Variants in TAFA2 observed in about 807,000 individuals in gnomAD.
The protein encoded by TAFA2 is chemokine-like protein TAFA-2.
In TAFA2, 7 loss-of-function variants were observed where a neutral mutation model predicts 18.8. The observed-to-expected ratio is 0.37, with a 90% CI of 0.21 to 0.70. The LOEUF is 0.70. Ranked by LOEUF, TAFA2 falls within the 30% of genes least tolerant of loss-of-function variation. TAFA2 has a pLI of 0.53. For missense variants in TAFA2, 122 were observed against 158.1 expected, an observed-to-expected ratio of 0.77 and a Z score of 1.23; for synonymous variants, 60 against 54.2, an observed-to-expected ratio of 1.11 and a Z score of -0.47.
At chr12:62,010,831 C>T (rs1880723924) in intron 1 of TAFA2, among the ~76,000 whole-genome samples, 1 of 145,086 alleles carries the variant, frequency 6.9e-6, no homozygotes, top group Non-Finnish European at 1.5e-5. Flanking sequence ...CGCCTCTGCC[C>T]AGCAGCCCTT....
chr12:61,885,002 C>T (rs1468662946), intron 1 of TAFA2, among the ~76,000 whole-genome samples: 2 of 151,618 alleles, frequency 1.3e-5, no homozygotes, highest in African/African-American at 4.8e-5. Flanking sequence ...TTCTTTGTTT[C>T]TACTGTAGGA....
At chr12:62,178,080 A>G (rs1035781708) in intron 1 of TAFA2, among the ~76,000 whole-genome samples, 2 of 152,160 alleles carry the variant, frequency 1.3e-5, no homozygotes, top group Non-Finnish European at 2.9e-5. Context: ...CAAGAGGATC[A>G]CTTGAGGCCA....
At chr12:62,045,146 C>T (rs1046431413) in intron 1 of TAFA2, among the ~76,000 whole-genome samples, 9 of 152,034 alleles carry the variant, frequency 5.9e-5, no homozygotes, top group African/African-American at 9.7e-5. Context: ...CAGCCTAGGT[C>T]GTACAGAAAA....
intron 1 of TAFA2, among the ~76,000 whole-genome samples, chr12:61,901,259 CTTTTTTTTT>C (rs1203233805): frequency 2.8e-4 from 3 of 10,898 alleles, no homozygotes; most frequent in South Asian, 4.3e-3. Context: ...TTCAATTTCA[CTTTTTTTTT>C]TTTTTTTTTT....
intron 1 of TAFA2, among the ~76,000 whole-genome samples, chr12:61,871,969 G>A (rs1317176098): frequency 1.3e-5 from 2 of 152,184 alleles, no homozygotes; most frequent in South Asian, 2.1e-4. Context: ...GCGGGCGCCT[G>A]TAGTCCTAGC....
intron 4 of TAFA2, among the ~76,000 whole-genome samples, chr12:61,727,865 C>T (rs942401887): frequency 1.1e-4 from 16 of 151,960 alleles, no homozygotes; most frequent in Non-Finnish European, 4.4e-5. Flanking sequence ...GAACTTTCCT[C>T]TTAGCACTAC....
At chr12:61,971,806 G>A (rs949121458) in intron 1 of TAFA2, among the ~76,000 whole-genome samples, 1 of 151,678 alleles carries the variant, frequency 6.6e-6, no homozygotes, top group Non-Finnish European at 1.5e-5. Flanking sequence ...AAACCAACAT[G>A]GCACATGTAT....
intron 4 of TAFA2, among the ~76,000 whole-genome samples, chr12:61,721,678 A>G (rs1050789257): frequency 1.4e-4 from 22 of 152,246 alleles, no homozygotes; most frequent in Middle Eastern, 3.2e-3. Flanking sequence ...TTTATTGGCC[A>G]GGTGCAGTGG....
chr12:62,025,733 T>C (rs956586576), intron 1 of TAFA2, among the ~76,000 whole-genome samples: 1 of 152,132 alleles, frequency 6.6e-6, no homozygotes, highest in Admixed American at 6.6e-5. Flanking sequence ...TTTAAAGGCA[T>C]CTAATAATGA....
Position 61,802,463 on chromosome 12 carries a change from G to A in TAFA2, c.107-47439C>T, listed in dbSNP as rs538680783. Among the ~76,000 whole-genome samples the A allele has an allele frequency of 3.7e-4, 56 of 152,134 alleles. 1 individual carries two copies. In the South Asian group the frequency reaches 9.5e-3, roughly 26 times the overall value. On this transcript the variant is annotated intron_variant, in intron 2 of 4. Coordinates refer to ENST00000416284, the MANE Select transcript of TAFA2 (RefSeq NM_178539.5). ...GAAATTCTGTCATTCACAGGCACAT[G>A]GATGAGCCTGGAAGACATGTTAAGT...
chr12:62,238,834 T>G (rs1258949322), intron 1 of TAFA2, among the ~76,000 whole-genome samples: 1 of 152,236 alleles, frequency 6.6e-6, no homozygotes, highest in Non-Finnish European at 1.5e-5. Flanking sequence ...GATACGTAGG[T>G]ATGTTTTCTG....
chr12:61,718,887 A>C (rs1035912111), intron 4 of TAFA2, among the ~76,000 whole-genome samples: 15 of 152,224 alleles, frequency 9.9e-5, no homozygotes, highest in African/African-American at 3.4e-4. Context: ...ACTTTAAAAA[A>C]TGAGTTTAAG....
chr12:62,238,282 C>A (rs147098445), intron 1 of TAFA2, among the ~76,000 whole-genome samples: 115 of 152,262 alleles, frequency 7.6e-4, no homozygotes, highest in African/African-American at 2.7e-3. Flanking sequence ...GTCATCTCAG[C>A]CCCAAATTTA....
chr12:61,754,995 C>G lies in TAFA2; in HGVS notation c.136G>C (p.Val46Leu), dbSNP rs746808654. Residue 46 changes from valine (V) to leucine (L), a missense_variant, in exon 3 of 5, where the codon GTG becomes CTG. By Grantham distance (32) the Val-to-Leu change is conservative. Transcript: ENST00000416284. ...TTACAGCATCTGTGGAGTGCCACCACCTCACAAGTTCCCGTTTTAACATGG... is the reference window on the plus strand; with the variant it reads ...TTACAGCATCTGTGGAGTGCCACCAGCTCACAAGTTCCCGTTTTAACATGG... ...AHHVKTGTCEVVALHRCCNKN... is the reference protein window; with the variant it reads ...AHHVKTGTCELVALHRCCNKN... The G allele has an allele frequency of 1.1e-5, 17 of 1,612,816 alleles. No homozygotes were observed. The highest frequency in any genetic ancestry group is 1.1e-5 in the Non-Finnish European group (13 of 1,179,306).
chr12:61,916,506 T>A (rs1033868796), intron 1 of TAFA2, among the ~76,000 whole-genome samples: 1 of 152,240 alleles, frequency 6.6e-6, no homozygotes, highest in Non-Finnish European at 1.5e-5. Context: ...CCATCGTTAA[T>A]CTGACTGCCC....
intron 4 of TAFA2, among the ~76,000 whole-genome samples, chr12:61,738,391 C>CTTT (rs1868345109): frequency 6.6e-6 from 1 of 150,530 alleles, no homozygotes; most frequent in Non-Finnish European, 1.5e-5. Context: ...CATTTTTAAA[C>CTTT]GTAAAAGATT....
At chr12:62,151,724 T>C (rs1468302001) in intron 1 of TAFA2, among the ~76,000 whole-genome samples, 1 of 152,256 alleles carries the variant, frequency 6.6e-6, no homozygotes, top group Non-Finnish European at 1.5e-5. Context: ...TTGTGTATCT[T>C]GTACATAAAA....
At position 62,123,772 on chromosome 12, in the gene TAFA2, C is replaced by CCACACACA. The variant is rs369871302; in HGVS notation, c.-2+67479_-2+67486dup. On this transcript the variant is annotated intron_variant, in intron 1 of 4. Coordinates refer to ENST00000416284, the MANE Select transcript of TAFA2 (RefSeq NM_178539.5). ...CCCACATATTCTCAAATCTCCCCCACCACACACATACACACACACACACAC... is the reference window on the plus strand; with the variant it reads ...CCCACATATTCTCAAATCTCCCCCACCACACACACACACACATACACACACACACACAC... 6.3e-3 allele frequency among the ~76,000 whole-genome samples: 435 copies of CCACACACA among 69,042 alleles called. 9 individuals carry two copies. The highest frequency in any genetic ancestry group is 0.024 in the African/African-American group (396 of 16,386). 45.3% of individuals were successfully genotyped at this position (69,042 alleles called of 152,430 possible). A position where few individuals can be genotyped will look rare whatever the true frequency, so the allele number is the denominator to read the frequency against.
intron 1 of TAFA2, among the ~76,000 whole-genome samples, chr12:62,156,795 C>T (rs2062372368): frequency 6.6e-6 from 1 of 152,088 alleles, no homozygotes; most frequent in South Asian, 2.1e-4. Flanking sequence ...GTGTACACTG[C>T]TTGGATGTTG....
Sources: gnomAD v4.1 joint callset for allele counts (sites outside exome capture counted in the v4.1 genomes callset) on GRCh38, gnomAD v4.1.1 for gene constraint, MANE v1.5 for transcripts, NCBI Gene and HGNC (gene_info 2026-07-23, HGNC 2026-07-21) for gene names.